EBF1: variants seen among roughly 807,000 people sequenced by gnomAD.
The protein encoded by EBF1 is EBF transcription factor 1.
A neutral mutation model predicts 68.4 loss-of-function variants in EBF1; 10 were observed. The observed-to-expected ratio is 0.15, with a 90% CI of 0.09 to 0.25. The LOEUF is 0.25. Ranked by LOEUF, EBF1 falls within the 10% of genes least tolerant of loss-of-function variation. EBF1 has a pLI of 1.00. For missense variants in EBF1, 509 were observed against 794.4 expected, an observed-to-expected ratio of 0.64 and a Z score of 4.32; for synonymous variants, 298 against 299.8, an observed-to-expected ratio of 0.99 and a Z score of 0.06.
intron 6 of EBF1, among the ~76,000 whole-genome samples, chr5:159,009,566 G>C (rs73818906): frequency 0.049 from 7,440 of 152,136 alleles, 332 homozygotes; most frequent in African/African-American, 0.12. Context: ...ACTTACTGAG[G>C]ACAACTTCCT....
At chr5:158,825,304 A>G (rs1785827955) in intron 7 of EBF1, among the ~76,000 whole-genome samples, 2 of 152,212 alleles carry the variant, frequency 1.3e-5, no homozygotes, top group East Asian at 1.9e-4. Context: ...TAGAGAGACG[A>G]CTTCTTAGGA....
chr5:159,041,528 A>C (rs1771200003), intron 6 of EBF1, among the ~76,000 whole-genome samples: 1 of 152,140 alleles, frequency 6.6e-6, no homozygotes, highest in Admixed American at 6.5e-5. Context: ...TCTGCATTTT[A>C]GTCACTTCTA....
chr5:159,093,963 T>G (rs2128001251), intron 4 of EBF1, among the ~76,000 whole-genome samples: 1 of 150,796 alleles, frequency 6.6e-6, no homozygotes, highest in East Asian at 1.9e-4. Context: ...ACATAGAGTA[T>G]GTCTTAGAGT....
chr5:158,920,623 G>T (rs1583176829), intron 6 of EBF1, among the ~76,000 whole-genome samples: 1 of 151,970 alleles, frequency 6.6e-6, no homozygotes, highest in East Asian at 1.9e-4. Context: ...CTGTTGCCCA[G>T]CCTGGAGTGC....
chr5:158,917,323 C>A (rs186005868), intron 6 of EBF1, among the ~76,000 whole-genome samples: 1 of 152,186 alleles, frequency 6.6e-6, no homozygotes, highest in Non-Finnish European at 1.5e-5. Flanking sequence ...GCAATACAAG[C>A]AATTCTTGTC....
At chr5:158,780,493 T>G (rs1421936856) in intron 9 of EBF1, among the ~76,000 whole-genome samples, 7 of 152,192 alleles carry the variant, frequency 4.6e-5, no homozygotes, top group African/African-American at 1.7e-4. Flanking sequence ...CTTAATAATT[T>G]AAAAAGTGAT....
At chr5:159,043,284 G>T (rs1250696035) in intron 6 of EBF1, among the ~76,000 whole-genome samples, 1 of 152,148 alleles carries the variant, frequency 6.6e-6, no homozygotes, top group East Asian at 1.9e-4. Flanking sequence ...TAAGAGATTT[G>T]CTCAGTTTGA....
At chr5:158,721,344 G>A (rs1761893762) in intron 11 of EBF1, among the ~76,000 whole-genome samples, 1 of 152,086 alleles carries the variant, frequency 6.6e-6, no homozygotes, top group African/African-American at 2.4e-5. Context: ...CTATATCAAC[G>A]TAAGACATAC....
At chr5:158,938,018 A>C (rs933843083) in intron 6 of EBF1, among the ~76,000 whole-genome samples, 3 of 152,182 alleles carry the variant, frequency 2.0e-5, no homozygotes, top group African/African-American at 7.2e-5. Context: ...TGTTCACACT[A>C]TAAGGCAAAA....
At chr5:158,969,880 GAAAGAAA>G (rs1561662363) in intron 6 of EBF1, among the ~76,000 whole-genome samples, 7 of 82,792 alleles carry the variant, frequency 8.5e-5, no homozygotes, top group African/African-American at 3.1e-4. Flanking sequence ...AAGAAAGAAA[GAAAGAAA>G]GAAAGAAAGA....
chr5:158,719,059 A>G (rs1761373101), intron 11 of EBF1, among the ~76,000 whole-genome samples: 1 of 152,212 alleles, frequency 6.6e-6, no homozygotes, highest in Admixed American at 6.5e-5. Flanking sequence ...CTTAATTTGT[A>G]TGATGAAATG....
chr5:158,856,528 T>C (rs1284386420), intron 6 of EBF1, among the ~76,000 whole-genome samples: 2 of 152,226 alleles, frequency 1.3e-5, no homozygotes, highest in Non-Finnish European at 2.9e-5. Context: ...GTTGATTCTT[T>C]TAGAAGGAAA....
chr5:158,950,885 C>T (rs925860452), intron 6 of EBF1, among the ~76,000 whole-genome samples: 4 of 152,156 alleles, frequency 2.6e-5, no homozygotes, highest in Non-Finnish European at 4.4e-5. Context: ...AATGCAAGCC[C>T]GGGCTACTTA....
intron 6 of EBF1, among the ~76,000 whole-genome samples, chr5:158,960,538 A>G (rs1817975704): frequency 6.6e-6 from 1 of 152,216 alleles, no homozygotes; most frequent in South Asian, 2.1e-4. Flanking sequence ...AAAAATTTAA[A>G]TTGAAGGGCA....
intron 15 of EBF1, among the ~76,000 whole-genome samples, chr5:158,700,053 T>G (rs1461536532): frequency 6.6e-6 from 1 of 152,226 alleles, no homozygotes; most frequent in African/African-American, 2.4e-5. Flanking sequence ...GTGAATAAAA[T>G]GACACATGCA....
intron 6 of EBF1, among the ~76,000 whole-genome samples, chr5:158,981,862 T>TA (rs113370527): frequency 1.3e-4 from 20 of 149,710 alleles, no homozygotes; most frequent in South Asian, 2.1e-4. Context: ...TTACTAAAAA[T>TA]AAAAAAAAAA....
At chr5:158,843,493 A>T (rs1790751993) in intron 6 of EBF1, among the ~76,000 whole-genome samples, 1 of 152,206 alleles carries the variant, frequency 6.6e-6, no homozygotes. Flanking sequence ...TGTTACCCTA[A>T]GCTGGCCTGT....
At chr5:158,720,654 T>C (rs1761749003) in intron 11 of EBF1, among the ~76,000 whole-genome samples, 1 of 152,146 alleles carries the variant, frequency 6.6e-6, no homozygotes, top group Non-Finnish European at 1.5e-5. Flanking sequence ...AGTGTCACAC[T>C]TTAAACACTC....
intron 6 of EBF1, among the ~76,000 whole-genome samples, chr5:158,940,084 C>T (rs1812914970): frequency 6.6e-6 from 1 of 152,194 alleles, no homozygotes. Flanking sequence ...CCTTGCCTCG[C>T]CCTGGTGCAT....
Sources: allele counts gnomAD v4.1 joint callset (sites outside exome capture counted in the v4.1 genomes callset), GRCh38; gene constraint gnomAD v4.1.1; transcripts MANE v1.5; gene names NCBI Gene and HGNC (gene_info 2026-07-23, HGNC 2026-07-21).